The following BCL2 variants were observed in gnomAD, a reference collection of about 807,000 sequenced individuals.
BCL2 encodes apoptosis regulator Bcl-2.
Under a neutral mutation model 14.2 loss-of-function variants are expected in BCL2, and 1 was observed. The ratio of observed to expected loss-of-function variants is 0.07; its 90% CI spans 0.02 to 0.33. The LOEUF is 0.33. BCL2 is among the 10% of genes least tolerant of loss of function. BCL2 has a pLI of 0.99. For synonymous variants in BCL2, 151 were observed against 137.2 expected, an observed-to-expected ratio of 1.10 and a Z score of -0.70; for missense variants, 247 against 305.9, an observed-to-expected ratio of 0.81 and a Z score of 1.44.
chr18:63,160,796 G>A (rs1026711812), intron 2 of BCL2, among the ~76,000 whole-genome samples: 5 of 151,132 alleles, frequency 3.3e-5, no homozygotes, highest in African/African-American at 9.8e-5. Flanking sequence ...AAGCCACATC[G>A]CTTCCTTTGG....
chr18:63,306,335 G>A (rs1051930182), intron 2 of BCL2, among the ~76,000 whole-genome samples: 6 of 152,134 alleles, frequency 3.9e-5, no homozygotes, highest in Admixed American at 1.3e-4. Flanking sequence ...TCTCTTGCCC[G>A]TTTGCTGAAA....
chr18:63,137,494 TA>T (rs1568212940), intron 2 of BCL2, among the ~76,000 whole-genome samples: 2 of 152,214 alleles, frequency 1.3e-5, no homozygotes, highest in African/African-American at 4.8e-5. Flanking sequence ...TAATAGATAA[TA>T]TTTTTTTAAA....
chr18:63,285,214 C>T (rs561230811), intron 2 of BCL2, among the ~76,000 whole-genome samples: 28 of 152,330 alleles, frequency 1.8e-4, no homozygotes, highest in African/African-American at 6.5e-4. Context: ...GGGAACTTCT[C>T]GCCCATCCAG....
At chr18:63,280,923 G>T (rs1421420688) in intron 2 of BCL2, among the ~76,000 whole-genome samples, 1 of 152,088 alleles carries the variant, frequency 6.6e-6, no homozygotes, top group Non-Finnish European at 1.5e-5. Context: ...GTCCAAAAGG[G>T]GAAGCAGCTC....
intron 2 of BCL2, among the ~76,000 whole-genome samples, chr18:63,248,834 G>A (rs774617984): frequency 2.6e-5 from 4 of 152,194 alleles, no homozygotes; most frequent in Non-Finnish European, 5.9e-5. Context: ...AGGATCTTGC[G>A]AGGTCAGTGC....
intron 2 of BCL2, among the ~76,000 whole-genome samples, chr18:63,145,481 C>G (rs780206867): frequency 6.6e-6 from 1 of 152,202 alleles, no homozygotes; most frequent in African/African-American, 2.4e-5. Flanking sequence ...AGGCACCCCT[C>G]GTGACTCCTC....
At position 63,152,112 on chromosome 18, in the gene BCL2, C is replaced by T. The variant is rs375116490; in HGVS notation, c.586-23353G>A. ...AAAACAGAGGGTCTTTACTCAAAGC[C>T]AACCTGCAAAACACCTTCTTGTTCT... On this transcript the variant is annotated intron_variant, in intron 2 of 2. Transcript: ENST00000333681. 1.1e-4 allele frequency among the ~76,000 whole-genome samples: 17 copies of T among 152,330 alleles called. 1 individual carries two copies. The highest frequency in any genetic ancestry group is 4.1e-4 in the African/African-American group (17 of 41,578).
At chr18:63,197,554 C>T (rs997459376) in intron 2 of BCL2, among the ~76,000 whole-genome samples, 12 of 151,968 alleles carry the variant, frequency 7.9e-5, no homozygotes, top group Admixed American at 2.0e-4. Flanking sequence ...GTCTGTGAGG[C>T]GCCAGTCACT....
At chr18:63,138,668 G>T (rs1914274491) in intron 2 of BCL2, among the ~76,000 whole-genome samples, 1 of 152,224 alleles carries the variant, frequency 6.6e-6, no homozygotes, top group African/African-American at 2.4e-5. Flanking sequence ...CTGGGTCCAG[G>T]GGGAGGGGCT....
intron 2 of BCL2, among the ~76,000 whole-genome samples, chr18:63,241,590 C>G (rs1323647035): frequency 6.6e-6 from 1 of 152,172 alleles, no homozygotes; most frequent in African/African-American, 2.4e-5. Flanking sequence ...ATCCTGCTGT[C>G]CAGCAGATCA....
At chr18:63,271,992 G>C (rs1323521541) in intron 2 of BCL2, among the ~76,000 whole-genome samples, 3 of 152,180 alleles carry the variant, frequency 2.0e-5, no homozygotes, top group Non-Finnish European at 4.4e-5. Flanking sequence ...AAAGTCATGG[G>C]GAAGCATAGC....
intron 2 of BCL2, among the ~76,000 whole-genome samples, chr18:63,216,911 A>C (rs1431673803): frequency 2.0e-5 from 3 of 152,208 alleles, no homozygotes; most frequent in Admixed American, 6.5e-5. Context: ...CCTTCTTCTA[A>C]CAGTTGGCAC....
chr18:63,293,406 G>T (rs1912709341), intron 2 of BCL2, among the ~76,000 whole-genome samples: 1 of 152,206 alleles, frequency 6.6e-6, no homozygotes, highest in African/African-American at 2.4e-5. Flanking sequence ...TATGCAGGTT[G>T]TCACCTGCTT....
chr18:63,174,704 C>T (rs936194826), intron 2 of BCL2, among the ~76,000 whole-genome samples: 1 of 151,678 alleles, frequency 6.6e-6, no homozygotes, highest in African/African-American at 2.4e-5. Flanking sequence ...CCTGTAATCC[C>T]AGCTACTCGG....
chr18:63,309,287 T>C lies in BCL2; in HGVS notation c.585+8795A>G, dbSNP rs113639868. Among the ~76,000 whole-genome samples, 76 of 152,344 alleles carry C rather than the reference T, an allele frequency of 5.0e-4. 1 individual carries two copies. Among genetic ancestry groups the C allele is most frequent in the African/African-American group, 1.8e-3 (74 of 41,578 alleles). On this transcript the variant is annotated intron_variant, in intron 2 of 2. Transcript: ENST00000333681. ...ATGATTCGAGGGGAAAGACATATTATGGTTCAACCTCAATTTTTCTCTTGA... is the reference window on the plus strand; with the variant it reads ...ATGATTCGAGGGGAAAGACATATTACGGTTCAACCTCAATTTTTCTCTTGA...
intron 2 of BCL2, among the ~76,000 whole-genome samples, chr18:63,175,893 T>C (rs1915338192): frequency 6.6e-6 from 1 of 152,228 alleles, no homozygotes; most frequent in African/African-American, 2.4e-5. Flanking sequence ...ATAGTTTCAC[T>C]GTAATCTTCT....
rs1909417140 is a variant in BCL2 at position 63,195,398 on chromosome 18, G to A, written c.586-66639C>T. 3.3e-5 allele frequency among the ~76,000 whole-genome samples: 5 copies of A among 152,258 alleles called. No individual in the cohort carries two copies. In the South Asian group the frequency reaches 6.2e-4, roughly 19 times the overall value. ...GTGTAGAAACTACAGATGGTAGTAG[G>A]GGAGACAATAAGGAAGAAAAAGTCA... On this transcript the variant is annotated intron_variant, in intron 2 of 2. Transcript: ENST00000333681.
chr18:63,243,343 C>T (rs1911065639), intron 2 of BCL2, among the ~76,000 whole-genome samples: 1 of 152,010 alleles, frequency 6.6e-6, no homozygotes, highest in Non-Finnish European at 1.5e-5. Context: ...AGGGGAACAA[C>T]ACACACTAGG....
At chr18:63,233,470 T>C (rs1371648511) in intron 2 of BCL2, among the ~76,000 whole-genome samples, 2 of 152,282 alleles carry the variant, frequency 1.3e-5, no homozygotes, top group South Asian at 2.1e-4. Context: ...AGTTTTTCCA[T>C]AGACGGGGGT....
Sources: gnomAD v4.1 joint callset for allele counts (sites outside exome capture counted in the v4.1 genomes callset) on GRCh38, gnomAD v4.1.1 for gene constraint, MANE v1.5 for transcripts, NCBI Gene and HGNC (gene_info 2026-07-23, HGNC 2026-07-21) for gene names.